The following SGCD variants were observed in gnomAD, a reference collection of about 807,000 sequenced individuals.
The protein encoded by SGCD is sarcoglycan delta, also known as delta-sarcoglycan.
In SGCD, 18 loss-of-function variants were observed where a neutral mutation model predicts 36.6. That is an observed-to-expected ratio of 0.49 (90% confidence interval 0.34 to 0.73). SGCD has a LOEUF of 0.73. SGCD is among the 30% of genes least tolerant of loss of function. SGCD has a pLI of 0.01. For synonymous variants in SGCD, 133 were observed against 130.6 expected (o/e 1.02, Z -0.12); for missense variants, 387 against 346.7 (o/e 1.12, Z -0.92).
At chr5:155,867,037 T>G (rs1427658551), upstream of SGCD, among the ~76,000 whole-genome samples, 1 of 152,050 alleles carries the variant, frequency 6.6e-6, no homozygotes, top group South Asian at 2.1e-4. Context: ...GAGTCTCCAT[T>G]TGGCCGTTTC....
At chr5:156,391,889 G>A (rs1010344099) in intron 3 of SGCD, among the ~76,000 whole-genome samples, 1 of 152,138 alleles carries the variant, frequency 6.6e-6, no homozygotes, top group African/African-American at 2.4e-5. Flanking sequence ...CTAATGCCTT[G>A]GGAAATGTTG....
At chr5:156,415,156 G>A (rs1230147891) in intron 3 of SGCD, among the ~76,000 whole-genome samples, 2 of 152,028 alleles carry the variant, frequency 1.3e-5, no homozygotes, top group African/African-American at 2.4e-5. Flanking sequence ...ACTCTATCTC[G>A]TATTCTAGAA....
intron 3 of SGCD, among the ~76,000 whole-genome samples, chr5:156,205,942 A>C (rs970430661): frequency 1.1e-4 from 16 of 150,316 alleles, no homozygotes; most frequent in African/African-American, 3.9e-4. Flanking sequence ...CTGTCCTGCC[A>C]TGTCTATTTT....
chr5:156,588,733 A>G (rs2277956), intron 4 of SGCD, among the ~76,000 whole-genome samples: 5,408 of 152,306 alleles, frequency 0.036, 228 homozygotes, highest in African/African-American at 0.094. Context: ...CATTGCAAAC[A>G]TCTCTACAAA....
intron 1 of SGCD, among the ~76,000 whole-genome samples, chr5:155,908,712 C>G (rs1360501772): frequency 6.6e-6 from 1 of 152,112 alleles, no homozygotes; most frequent in Non-Finnish European, 1.5e-5. Flanking sequence ...TCCGTATTGA[C>G]AAGTGCAGAT....
At chr5:156,367,194 C>G (rs186000152) in intron 3 of SGCD, among the ~76,000 whole-genome samples, 1 of 152,084 alleles carries the variant, frequency 6.6e-6, no homozygotes, top group Non-Finnish European at 1.5e-5. Flanking sequence ...AGATGTTTAT[C>G]TAAAATTCAG....
intron 7 of SGCD, among the ~76,000 whole-genome samples, chr5:156,726,701 G>A (rs916213017): frequency 2.0e-5 from 3 of 152,046 alleles, no homozygotes; most frequent in African/African-American, 4.8e-5. Context: ...GGTTAGCCGC[G>A]CCAGGCCCAG....
chr5:156,079,018 TAAAAAAAAAA>T (rs575699645), intron 1 of SGCD, among the ~76,000 whole-genome samples: 3 of 102,498 alleles, frequency 2.9e-5, no homozygotes, highest in African/African-American at 1.1e-4. Context: ...GGGTAATTTG[TAAAAAAAAAA>T]AAAAAAAAAG....
chr5:156,721,110 T>C (rs1291079499), intron 7 of SGCD, among the ~76,000 whole-genome samples: 1 of 152,114 alleles, frequency 6.6e-6, no homozygotes, highest in African/African-American at 2.4e-5. Context: ...CGGGGAAGGC[T>C]CTGGTGGGGC....
intron 1 of SGCD, among the ~76,000 whole-genome samples, chr5:155,881,412 G>T (rs1368116843): frequency 6.9e-6 from 1 of 144,558 alleles, no homozygotes; most frequent in African/African-American, 2.7e-5. Context: ...TAGTCTATTT[G>T]GGTGCAATGG....
rs571166625 is a variant in SGCD, at chr5:156,733,065, T to C, written c.576-24516T>C. On this transcript the variant is annotated intron_variant, in intron 7 of 8. Coordinates refer to ENST00000337851, the MANE Select transcript of SGCD (RefSeq NM_000337.6). The stretch of plus-strand genomic sequence containing the variant: ...TTTGAAGGGTTTTTCATGTCTCTCT[T>C]TCAGTTCAGCTCTGATCTTGCTTTG... 4.6e-5 allele frequency among the ~76,000 whole-genome samples: 7 copies of C among 152,166 alleles called. No individual in the cohort carries two copies. The South Asian group carries it at 1.5e-3, about 32-fold the overall frequency.
At chr5:156,482,268 A>G (rs1421391070) in intron 3 of SGCD, among the ~76,000 whole-genome samples, 2 of 144,638 alleles carry the variant, frequency 1.4e-5, no homozygotes, top group African/African-American at 5.2e-5. Context: ...TGAAATCCTG[A>G]AAAAAAAAAA....
the SGCD span, among the ~76,000 whole-genome samples, chr5:155,775,415 G>T: frequency 3.3e-5 from 5 of 152,038 alleles, no homozygotes; most frequent in Admixed American, 1.3e-4. Context: ...ATGAGACAGA[G>T]ACTCAGAGGA....
At chr5:155,945,829 G>A (rs781321292) in intron 1 of SGCD, among the ~76,000 whole-genome samples, 10 of 152,202 alleles carry the variant, frequency 6.6e-5, no homozygotes, top group Non-Finnish European at 1.2e-4. Context: ...AGGATTTAAA[G>A]GCAGGAGCGA....
intron 3 of SGCD, among the ~76,000 whole-genome samples, chr5:156,444,030 A>G (rs997786063): frequency 9.3e-5 from 14 of 149,790 alleles, no homozygotes; most frequent in Non-Finnish European, 7.4e-5. Context: ...CTGATTTTGG[A>G]CATCCCAGCA....
intron 3 of SGCD, among the ~76,000 whole-genome samples, chr5:156,253,291 A>AT (rs1765629783): frequency 6.6e-6 from 1 of 152,154 alleles, no homozygotes; most frequent in South Asian, 2.1e-4. Flanking sequence ...ATCTCTTTGC[A>AT]TATCACGAGC....
intron 6 of SGCD, among the ~76,000 whole-genome samples, chr5:156,624,370 A>G (rs777836710): frequency 2.6e-5 from 4 of 152,208 alleles, no homozygotes; most frequent in Admixed American, 6.5e-5. Context: ...TCACGAGGTC[A>G]GGAGATTGAG....
chr5:156,722,233 C>A (rs1387384445), intron 7 of SGCD, among the ~76,000 whole-genome samples: 1 of 152,166 alleles, frequency 6.6e-6, no homozygotes, highest in Admixed American at 6.5e-5. Context: ...CCTCTCCTCT[C>A]AAATTGCATC....
At chr5:156,019,369 T>A (rs1359778059) in intron 1 of SGCD, among the ~76,000 whole-genome samples, 3 of 152,200 alleles carry the variant, frequency 2.0e-5, no homozygotes. Flanking sequence ...ATGTTTCAGT[T>A]TAACTTTTGA....
Sources: allele counts gnomAD v4.1 joint callset (sites outside exome capture counted in the v4.1 genomes callset), GRCh38; gene constraint gnomAD v4.1.1; transcripts MANE v1.5; gene names NCBI Gene and HGNC (gene_info 2026-07-23, HGNC 2026-07-21).